Variants in ROBO1 observed in about 807,000 individuals in gnomAD.
ROBO1 encodes roundabout homolog 1.
Under a neutral mutation model 195.9 loss-of-function variants are expected in ROBO1, and 149 were observed. The ratio of observed to expected loss-of-function variants is 0.76; its 90% CI spans 0.67 to 0.87. The LOEUF is 0.87. Ranked by LOEUF, ROBO1 falls within the 40% of genes least tolerant of loss-of-function variation. The pLI, the probability that ROBO1 is intolerant of heterozygous loss-of-function variation, is 0.00. For synonymous variants in ROBO1, 816 were observed against 733.2 expected (o/e 1.11, Z -1.82); for missense variants, 1,933 against 2,068.3 (o/e 0.93, Z 1.27).
intron 2 of ROBO1, among the ~76,000 whole-genome samples, chr3:79,170,352 T>G (rs2108691391): frequency 6.6e-6 from 1 of 152,312 alleles, no homozygotes; most frequent in South Asian, 2.1e-4. Context: ...TCAGAAAATT[T>G]AAATGTGTTT....
chr3:79,220,813 C>A (rs1179580578), intron 2 of ROBO1, among the ~76,000 whole-genome samples: 1 of 152,028 alleles, frequency 6.6e-6, no homozygotes, highest in Non-Finnish European at 1.5e-5. Context: ...ATGATCTCCT[C>A]AGGTTTTGTT....
At chr3:79,267,904 G>T (rs1212606304) in intron 2 of ROBO1, among the ~76,000 whole-genome samples, 2 of 151,538 alleles carry the variant, frequency 1.3e-5, no homozygotes, top group Admixed American at 1.3e-4. Flanking sequence ...TTAGCAAACA[G>T]AGAAGCCTGA....
At chr3:79,529,175 A>T (rs1426057792) in intron 2 of ROBO1, among the ~76,000 whole-genome samples, 1 of 152,190 alleles carries the variant, frequency 6.6e-6, no homozygotes, top group African/African-American at 2.4e-5. Context: ...CTTATTAAGG[A>T]TGTTATTTTA....
chr3:79,139,971 T>C (rs955401783), intron 2 of ROBO1, among the ~76,000 whole-genome samples: 1 of 152,170 alleles, frequency 6.6e-6, no homozygotes, highest in African/African-American at 2.4e-5. Context: ...GGCACAAAAA[T>C]GGCACAATAG....
intron 4 of ROBO1, among the ~76,000 whole-genome samples, chr3:78,856,255 G>A (rs1393994856): frequency 2.2e-5 from 3 of 135,218 alleles, no homozygotes; most frequent in African/African-American, 8.2e-5. Context: ...AACTTGAGAG[G>A]TACATTTAAC....
chr3:79,570,844 C>T (rs116018102), intron 2 of ROBO1, among the ~76,000 whole-genome samples: 2,917 of 151,940 alleles, frequency 0.019, 111 homozygotes, highest in African/African-American at 0.066. Context: ...ACTTTTGAAT[C>T]AAAGGAAAAA....
chr3:79,539,179 T>C (rs1438495540), intron 2 of ROBO1, among the ~76,000 whole-genome samples: 2 of 152,182 alleles, frequency 1.3e-5, no homozygotes, highest in African/African-American at 2.4e-5. Flanking sequence ...TTTAAGCCTG[T>C]CAATATATTC....
chr3:78,825,856 A>C (rs2108707110), intron 4 of ROBO1, among the ~76,000 whole-genome samples: 1 of 152,306 alleles, frequency 6.6e-6, no homozygotes, highest in South Asian at 2.1e-4. Context: ...TCATATCCCA[A>C]GGATTTTCAT....
chr3:79,003,745 G>A (rs865987355), intron 3 of ROBO1, among the ~76,000 whole-genome samples: 1 of 152,034 alleles, frequency 6.6e-6, no homozygotes, highest in Non-Finnish European at 1.5e-5. Flanking sequence ...ATTTTAACCC[G>A]GAAGCCTTAT....
intron 3 of ROBO1, among the ~76,000 whole-genome samples, chr3:79,009,140 G>A (rs1375322807): frequency 2.3e-5 from 3 of 131,088 alleles, no homozygotes; most frequent in Non-Finnish European, 4.8e-5. Context: ...TTTTAGTAGA[G>A]ACGGGGTTTC....
chr3:79,571,350 G>C (rs532245184), intron 2 of ROBO1, among the ~76,000 whole-genome samples: 2 of 152,060 alleles, frequency 1.3e-5, no homozygotes, highest in East Asian at 3.9e-4. Flanking sequence ...TATGAGACTT[G>C]CTCCTCTACA....
chr3:78,617,319 A>C (rs1219293845), intron 27 of ROBO1, among the ~76,000 whole-genome samples: 1 of 152,186 alleles, frequency 6.6e-6, no homozygotes, highest in Non-Finnish European at 1.5e-5. Context: ...AGTTTAAAGA[A>C]ATTATATCAA....
intron 3 of ROBO1, among the ~76,000 whole-genome samples, chr3:79,007,305 T>A (rs143222686): frequency 6.6e-6 from 1 of 152,144 alleles, no homozygotes; most frequent in African/African-American, 2.4e-5. Flanking sequence ...ACAAGTTTTA[T>A]AAAAATTGTA....
At chr3:79,300,199 G>C (rs1278477803) in intron 2 of ROBO1, among the ~76,000 whole-genome samples, 1 of 152,194 alleles carries the variant, frequency 6.6e-6, no homozygotes. Context: ...GGCTCCCTCA[G>C]CTAGCAGGGA....
At chr3:79,334,314 AT>A (rs1264083930) in intron 2 of ROBO1, among the ~76,000 whole-genome samples, 2,045 of 109,126 alleles carry the variant, frequency 0.019, 48 homozygotes, top group African/African-American at 0.066. Flanking sequence ...AAAAAAAAAT[AT>A]ATATATATAT....
At chr3:79,486,265 T>C (rs1939155626) in intron 2 of ROBO1, among the ~76,000 whole-genome samples, 2 of 152,120 alleles carry the variant, frequency 1.3e-5, no homozygotes, top group South Asian at 4.1e-4. Flanking sequence ...TATCCTCTTA[T>C]ATAAAAACAA....
intron 2 of ROBO1, among the ~76,000 whole-genome samples, chr3:79,554,005 T>C (rs11916190): frequency 0.017 from 2,571 of 152,182 alleles, 45 homozygotes; most frequent in Middle Eastern, 0.078. Context: ...AATTAATACA[T>C]TTAATGTCTT....
intron 2 of ROBO1, among the ~76,000 whole-genome samples, chr3:79,537,209 C>A (rs1941905041): frequency 6.6e-6 from 1 of 151,726 alleles, no homozygotes; most frequent in South Asian, 2.1e-4. Flanking sequence ...AGTGGTATAG[C>A]TGGAACTTGA....
At chr3:79,142,591 G>A (rs1338285687) in intron 2 of ROBO1, among the ~76,000 whole-genome samples, 2 of 152,142 alleles carry the variant, frequency 1.3e-5, no homozygotes, top group Non-Finnish European at 2.9e-5. Context: ...CAGCCTAGGT[G>A]ACTAGCAAAT....
Sources: allele counts gnomAD v4.1 joint callset (sites outside exome capture counted in the v4.1 genomes callset), GRCh38; gene constraint gnomAD v4.1.1; transcripts MANE v1.5; gene names NCBI Gene and HGNC (gene_info 2026-07-23, HGNC 2026-07-21).